Variants in FGF18 observed in about 807,000 individuals in gnomAD.
The protein encoded by FGF18 is fibroblast growth factor 18.
A neutral mutation model predicts 23.0 loss-of-function variants in FGF18; 5 were observed. The observed-to-expected ratio is 0.22, with a 90% CI of 0.11 to 0.46. The LOEUF is 0.46. Ranked by LOEUF, FGF18 falls within the 20% of genes least tolerant of loss-of-function variation. The pLI is 0.99. For missense variants in FGF18, 180 were observed against 291.6 expected (o/e 0.62, Z 2.79); for synonymous variants, 117 against 118.9 (o/e 0.98, Z 0.10).
At chr5:171,420,310 G>C in intron 1 of FGF18, 79 bp downstream of exon 1, 1 of 1,606,270 alleles carries the variant, frequency 6.2e-7, no homozygotes, top group South Asian at 1.1e-5. Flanking sequence ...CTGTCTGCCC[G>C]CCCGTCGGTT....
chr5:171,422,360 C>T (rs1391962880), intron 2 of FGF18, among the ~76,000 whole-genome samples: 4 of 152,134 alleles, frequency 2.6e-5, no homozygotes, highest in Non-Finnish European at 5.9e-5. Context: ...CTTGTCCCCA[C>T]CGGCCTTTCT....
chr5:171,442,298 C>T (rs1772358651), intron 3 of FGF18, among the ~76,000 whole-genome samples: 1 of 152,102 alleles, frequency 6.6e-6, no homozygotes, highest in South Asian at 2.1e-4. Context: ...GACAGGGAAG[C>T]GTCTCCAGAA....
rs139792977 is a variant in FGF18, at chr5:171,446,856, G to C, written c.251-2291G>C. Among the ~76,000 whole-genome samples, 461 of 152,224 alleles carry C rather than the reference G, an allele frequency of 3.0e-3. 2 individuals carry two copies. The highest frequency in any genetic ancestry group is 0.01 in the African/African-American group (431 of 41,536). Reference sequence around the variant, plus strand: ...TGAGCCCCAGCCCCAGGCATTTTCTGGTCCATTTTGCAGTGTGGGATGTCT... The same window carrying C: ...TGAGCCCCAGCCCCAGGCATTTTCTCGTCCATTTTGCAGTGTGGGATGTCT... On this transcript the variant is annotated intron_variant, in intron 3 of 4. Transcript: ENST00000274625.
Position 171,451,206 on chromosome 5 carries a change from G to A in FGF18, c.357+1953G>A, listed in dbSNP as rs1448518868. Reference sequence around the variant, plus strand: ...CTGGCGCGGCGCACCCTGGCGCAGCGGAGGGAGGCCCGGCCCCGGCCCCCG... The same window carrying A: ...CTGGCGCGGCGCACCCTGGCGCAGCAGAGGGAGGCCCGGCCCCGGCCCCCG... On this transcript the variant is annotated intron_variant, in intron 4 of 4. Transcript: ENST00000274625. The surrounding 1 kb of genome is among the most constrained non-coding windows in gnomAD (Gnocchi z 4.5). Among the ~76,000 whole-genome samples, 1 of 152,058 alleles carries A rather than the reference G, an allele frequency of 6.6e-6. No individual in the cohort carries two copies. Among genetic ancestry groups the A allele is most frequent in the Admixed American group, 6.5e-5 (1 of 15,272 alleles).
chr5:171,441,260 C>T (rs181088294), intron 3 of FGF18, among the ~76,000 whole-genome samples: 82 of 152,322 alleles, frequency 5.4e-4, no homozygotes, highest in African/African-American at 1.9e-3. Context: ...ATTTTCCACA[C>T]GCATCCCAAA....
At chr5:171,428,770 G>A (rs906533943) in intron 2 of FGF18, among the ~76,000 whole-genome samples, 3 of 152,204 alleles carry the variant, frequency 2.0e-5, no homozygotes, top group Admixed American at 6.5e-5. Flanking sequence ...GGGGCTTTAG[G>A]GAGCTGGAAT....
chr5:171,438,920 C>T (rs1772294640), intron 3 of FGF18, among the ~76,000 whole-genome samples: 1 of 152,026 alleles, frequency 6.6e-6, no homozygotes, highest in Non-Finnish European at 1.5e-5. Context: ...CCAGAGCACC[C>T]AGGACAGTTC....
At chr5:171,447,262 G>GAAATTGTCCTGATTCC (rs1772430594) in intron 3 of FGF18, among the ~76,000 whole-genome samples, 1 of 152,338 alleles carries the variant, frequency 6.6e-6, no homozygotes, top group East Asian at 1.9e-4. Flanking sequence ...AGAAGCACCT[G>GAAATTGTCCTGATTCC]AAATTGTCCT....
intron 2 of FGF18, among the ~76,000 whole-genome samples, 196 bp downstream of exon 2, chr5:171,420,639 C>T (rs1771991104): frequency 6.6e-6 from 1 of 152,188 alleles, no homozygotes; most frequent in Non-Finnish European, 1.5e-5. Context: ...GCAAGGGGCT[C>T]TGCCGCGGGG....
At chr5:171,431,067 G>C (rs987010453) in intron 2 of FGF18, among the ~76,000 whole-genome samples, 1 of 152,156 alleles carries the variant, frequency 6.6e-6, no homozygotes, top group Non-Finnish European at 1.5e-5. Context: ...GGGCCAGGAA[G>C]AAAGAGGAAA....
At chr5:171,424,785 G>T (rs1345673507) in intron 2 of FGF18, among the ~76,000 whole-genome samples, 1 of 151,130 alleles carries the variant, frequency 6.6e-6, no homozygotes, top group Non-Finnish European at 1.5e-5. Context: ...GTTAGAGGGG[G>T]GTACTTGGGG....
chr5:171,439,127 G>A (rs1010901677), intron 3 of FGF18, among the ~76,000 whole-genome samples: 1 of 152,236 alleles, frequency 6.6e-6, no homozygotes, highest in African/African-American at 2.4e-5. Flanking sequence ...ATCCTGAGGT[G>A]CTGGCTCTGT....
chr5:171,420,595 C>A (rs867882083), intron 2 of FGF18, 152 bp downstream of exon 2: 1 of 738,244 alleles, frequency 1.4e-6, no homozygotes, highest in South Asian at 1.8e-5. Context: ...GGCGGCTCCG[C>A]GTGCGCCCTG....
rs1405660860 is a variant in FGF18 at position 171,451,890 on chromosome 5, C to A, written c.357+2637C>A. Among the ~76,000 whole-genome samples, 1 of 152,184 alleles carries A rather than the reference C, an allele frequency of 6.6e-6. No individual in the cohort carries two copies. The highest frequency in any genetic ancestry group is 1.9e-4 in the East Asian group (1 of 5,180). On this transcript the variant is annotated intron_variant, in intron 4 of 4. Transcript: ENST00000274625. The surrounding 1 kb of genome is among the most constrained non-coding windows in gnomAD (Gnocchi z 4.5). The stretch of plus-strand genomic sequence containing the variant: ...CTGACCCCTCTGTCAGCCCACCCAC[C>A]CCGGAGCCCCACAGTCCCTCGCACA...
At chr5:171,448,856 T>G (rs986345304) in intron 3 of FGF18, among the ~76,000 whole-genome samples, 6 of 152,106 alleles carry the variant, frequency 3.9e-5, no homozygotes, top group Admixed American at 3.3e-4. Context: ...CAGAACTCCC[T>G]TCTGGCTGGA....
intron 2 of FGF18, among the ~76,000 whole-genome samples, chr5:171,425,079 G>A (rs1366290053): frequency 1.3e-5 from 2 of 152,332 alleles, no homozygotes; most frequent in East Asian, 1.9e-4. Context: ...GGGGTAATGG[G>A]AAGAGACTTC....
At chr5:171,433,556 C>G (rs1469307774) in intron 2 of FGF18, among the ~76,000 whole-genome samples, 1 of 152,086 alleles carries the variant, frequency 6.6e-6, no homozygotes, top group African/African-American at 2.4e-5. Flanking sequence ...TTCTTCTGTC[C>G]CTGAGCAGCA....
In FGF18 at chr5:171,434,236, G is replaced by T. The variant is rs771014538; in HGVS notation, c.70-1857G>T. Among the ~76,000 whole-genome samples, 1 of 152,254 alleles carries T rather than the reference G, an allele frequency of 6.6e-6. No homozygotes were observed. Among genetic ancestry groups the T allele is most frequent in the South Asian group, 2.1e-4 (1 of 4,838 alleles). On this transcript the variant is annotated intron_variant, in intron 2 of 4. Transcript: ENST00000274625. This position sits in a 1 kb window ranked among gnomAD's most constrained non-coding sequence, Gnocchi z 4.6. ...GCATTACTGCTCTGGGGCCTTGTCA[G>T]TGGAGCTGACAGTTTCCTCATCCAT...
rs1456727572 is a variant in FGF18, at chr5:171,451,367, C to T, written c.357+2114C>T. 2.0e-5 allele frequency among the ~76,000 whole-genome samples: 3 copies of T among 152,108 alleles called. No homozygotes were observed. Among genetic ancestry groups the T allele is most frequent in the South Asian group, 4.1e-4 (2 of 4,830 alleles). ...CAGGCTTGACCTCTGCCCCGCCCAG[C>T]GCCCCCTCGCTCTCTGGCCCCCGAG... On this transcript the variant is annotated intron_variant, in intron 4 of 4. Coordinates refer to ENST00000274625, the MANE Select transcript of FGF18 (RefSeq NM_003862.3). The surrounding 1 kb of genome is among the most constrained non-coding windows in gnomAD (Gnocchi z 4.5).
Sources: allele counts gnomAD v4.1 joint callset (sites outside exome capture counted in the v4.1 genomes callset), GRCh38; gene constraint gnomAD v4.1.1; non-coding constraint Gnocchi (gnomAD v3.1); transcripts MANE v1.5; gene names NCBI Gene and HGNC (gene_info 2026-07-23, HGNC 2026-07-21).